The following LRTM3 variants were observed in gnomAD, a reference collection of about 807,000 sequenced individuals.
The protein encoded by LRTM3 is leucine rich repeat transmembrane protein 3.
the LRTM3 span, chr13:102,749,605 C>T: frequency 1.3e-6 from 2 of 1,551,390 alleles, no homozygotes; most frequent in Non-Finnish European, 1.7e-6. Context: ...GGTTCCTATC[C>T]AGATCTTGGG....
At chr13:102,755,951 ATATATATATATTT>A in the LRTM3 span, among the ~76,000 whole-genome samples, 1 of 61,410 alleles carries the variant, frequency 1.6e-5, no homozygotes, top group Non-Finnish European at 3.7e-5. Flanking sequence ...ACATATATAT[ATATATATATATTT>A]TTTTTTTTTC....
At chr13:102,736,789 AT>A in the LRTM3 span, 2 of 1,551,042 alleles carry the variant, frequency 1.3e-6, no homozygotes, top group Non-Finnish European at 1.7e-6. Flanking sequence ...TATTTGCTTT[AT>A]CCTTTTGGAT....
chr13:102,741,076 A>AT, the LRTM3 span: 2 of 1,549,902 alleles, frequency 1.3e-6, no homozygotes, highest in Non-Finnish European at 8.7e-7. Context: ...CTTTCTTGGG[A>AT]TTTTCAATAT....
chr13:102,750,452 T>G, the LRTM3 span: 1 of 957,170 alleles, frequency 1.0e-6, no homozygotes, highest in Non-Finnish European at 1.5e-6. Context: ...GAATTACCTT[T>G]AGATTTAAGA....
the LRTM3 span, chr13:102,736,592 G>C: frequency 1.9e-6 from 3 of 1,551,078 alleles, no homozygotes; most frequent in Non-Finnish European, 2.6e-6. Context: ...CTCAAGGAAA[G>C]CTGAAGAAGT....
the LRTM3 span, chr13:102,748,678 T>C: frequency 6.4e-7 from 1 of 1,550,444 alleles, no homozygotes; most frequent in African/African-American, 1.4e-5. Context: ...TTTTACTATT[T>C]AGAACATGAA....
chr13:102,740,777 A>C, the LRTM3 span: 1 of 1,549,170 alleles, frequency 6.5e-7, no homozygotes, highest in Non-Finnish European at 8.7e-7. Flanking sequence ...TGGAAAAAGC[A>C]AGCCAATTCC....
the LRTM3 span, chr13:102,733,885 G>A: frequency 1.9e-6 from 3 of 1,551,296 alleles, no homozygotes; most frequent in African/African-American, 1.4e-5. Flanking sequence ...TTTTATCAAC[G>A]CCTTCAACTG....
chr13:102,750,427 A>G, the LRTM3 span: 1 of 1,077,544 alleles, frequency 9.3e-7, no homozygotes, highest in Non-Finnish European at 1.3e-6. Flanking sequence ...GAATATTAGA[A>G]TATATTTCGT....
At chr13:102,748,070 G>A in the LRTM3 span, 1 of 1,551,058 alleles carries the variant, frequency 6.4e-7, no homozygotes, top group Non-Finnish European at 8.7e-7. Flanking sequence ...CTTTGATGCT[G>A]AATGACTGAG....
the LRTM3 span, chr13:102,741,183 AG>A: frequency 1.3e-6 from 2 of 1,548,760 alleles, no homozygotes; most frequent in Non-Finnish European, 1.7e-6. Flanking sequence ...TTTTTTGAAA[AG>A]TCCATTTTCT....
chr13:102,747,003 T>C, the LRTM3 span: 1 of 1,551,238 alleles, frequency 6.4e-7, no homozygotes, highest in Non-Finnish European at 8.7e-7. Flanking sequence ...TCTTTCTCTG[T>C]TTTAATCTCC....
chr13:102,734,442 G>T, the LRTM3 span: 1 of 1,551,334 alleles, frequency 6.4e-7, no homozygotes, highest in Non-Finnish European at 8.7e-7. Flanking sequence ...ATACCTGGTG[G>T]TTTATCTTGA....
At chr13:102,736,765 A>G in the LRTM3 span, 1 of 1,550,878 alleles carries the variant, frequency 6.4e-7, no homozygotes, top group South Asian at 1.2e-5. Flanking sequence ...GATGCATTAC[A>G]CTTTTCTCTG....
the LRTM3 span, chr13:102,734,928 A>G: frequency 6.4e-7 from 1 of 1,551,170 alleles, no homozygotes; most frequent in Non-Finnish European, 8.7e-7. Flanking sequence ...AGATAGATTA[A>G]AATATCACCA....
At chr13:102,745,000 A>T in the LRTM3 span, 8 of 1,550,848 alleles carry the variant, frequency 5.2e-6, no homozygotes, top group Non-Finnish European at 7.0e-6. Context: ...ATTTTAGAGG[A>T]AGAAGTTTTG....
At chr13:102,730,158 A>G in the LRTM3 span, 24 of 1,550,044 alleles carry the variant, frequency 1.5e-5, no homozygotes, top group Non-Finnish European at 1.9e-5. Flanking sequence ...TCCTTTCTGC[A>G]CTCTCTAGTA....
chr13:102,745,652 G>A, the LRTM3 span: 2 of 1,551,034 alleles, frequency 1.3e-6, no homozygotes, highest in Non-Finnish European at 1.7e-6. Context: ...AGATAAAGCA[G>A]GCATGCAGGA....
At chr13:102,741,956 T>A in the LRTM3 span, 6 of 1,550,598 alleles carry the variant, frequency 3.9e-6, no homozygotes, top group Non-Finnish European at 5.2e-6. Flanking sequence ...TTCTCTAATA[T>A]CTTGTTCCTG....
Sources: gnomAD v4.1 joint callset for allele counts (sites outside exome capture counted in the v4.1 genomes callset) on GRCh38, gnomAD v4.1.1 for gene constraint, MANE v1.5 for transcripts, NCBI Gene and HGNC (gene_info 2026-07-23, HGNC 2026-07-21) for gene names.